MROH1: variants seen among roughly 807,000 people sequenced by gnomAD.
MROH1 encodes the protein maestro heat like repeat family member 1.
MROH1 carries 117 observed loss-of-function variants against 116.5 expected under a neutral mutation model. The observed-to-expected ratio is 1.00, with a 90% CI of 0.86 to 1.17. The LOEUF is 1.17. Ranked by LOEUF, MROH1 falls within the 50% of genes most tolerant of loss-of-function variation. The probability of loss-of-function intolerance (pLI) is 0.00; values close to 1 mark genes in which losing one functional copy is unlikely to be tolerated. For missense variants in MROH1, 1,873 were observed against 1,338.5 expected, an observed-to-expected ratio of 1.40 and a Z score of -6.23; for synonymous variants, 921 against 583.9, an observed-to-expected ratio of 1.58 and a Z score of -8.32.
chr8:144,246,788 G>A (rs1013979577), intron 29 of MROH1, among the ~76,000 whole-genome samples: 2 of 152,320 alleles, frequency 1.3e-5, no homozygotes, highest in African/African-American at 4.8e-5. Flanking sequence ...CGTCTGCCAG[G>A]GAGGAGGTGT....
intron 12 of MROH1, among the ~76,000 whole-genome samples, chr8:144,207,759 G>A (rs1039879335): frequency 1.3e-5 from 2 of 152,110 alleles, no homozygotes; most frequent in Admixed American, 6.5e-5. Context: ...ATAAATATAT[G>A]TTTTTATGAT....
intron 8 of MROH1, 86 bp from the exon 9 acceptor site, chr8:144,191,629 G>T (rs763137271): frequency 1.3e-6 from 2 of 1,528,576 alleles, no homozygotes; most frequent in Non-Finnish European, 1.8e-6. Flanking sequence ...GTTCGTTCAC[G>T]TCCGTCACGG....
In MROH1 at chr8:144,172,656, A is replaced by G. The variant is rs369120199; in HGVS notation, c.168+4216A>G. Among the ~76,000 whole-genome samples the G allele has an allele frequency of 1.8e-4, 28 of 152,096 alleles. No individual in the cohort carries two copies. The East Asian group carries it at 3.9e-3, about 21-fold the overall frequency. The stretch of plus-strand genomic sequence containing the variant: ...GAACTCCTGACCTTGTGATCTGCCC[A>G]CCTTGGCCTCCCAAGGTGCTGGGAT... On this transcript the variant is annotated intron_variant, in intron 4 of 43. Transcript: ENST00000326134.
rs1195852872 is a variant in MROH1, at chr8:144,168,248, A to G, written c.23-47A>G. ...GGAGTGGCAGCCGAGGTGTGATAGGAGAGGGCGCTTGGGCCTGAGCATGCT... is the reference window on the plus strand; with the variant it reads ...GGAGTGGCAGCCGAGGTGTGATAGGGGAGGGCGCTTGGGCCTGAGCATGCT... On this transcript the variant is annotated intron_variant, in intron 3 of 43. Transcript: ENST00000326134. The G allele has an allele frequency of 2.0e-6, 3 of 1,515,658 alleles. No individual in the cohort carries two copies. The African/African-American group carries it at 4.1e-5, about 21-fold the overall frequency. The allele number at this position is 1,515,658 out of a possible 1,614,324, so 93.9% of individuals were successfully genotyped here.
In MROH1 at chr8:144,190,944, CG is replaced by C; in HGVS notation, c.714+10del. ...AGAGTCGAGAAGCCAAGGTATGCCC[CG>C]TGGCTGCATCAGTCCACGCCTGATG... On this transcript the variant is annotated intron_variant, in intron 8 of 43. Coordinates refer to ENST00000326134, the MANE Select transcript of MROH1 (RefSeq NM_032450.3). 1.2e-6 allele frequency: 2 copies of C among 1,611,944 alleles called. No homozygotes were observed. The highest frequency in any genetic ancestry group is 1.7e-6 in the Non-Finnish European group (2 of 1,179,298).
At chr8:144,212,076 T>TTG (rs1834230244) in intron 12 of MROH1, among the ~76,000 whole-genome samples, 2 of 151,090 alleles carry the variant, frequency 1.3e-5, no homozygotes, top group African/African-American at 4.9e-5. Flanking sequence ...TGTGTTGTTT[T>TTG]TTTGTTTGTT....
At chr8:144,213,557 G>A (rs551921629) in intron 12 of MROH1, 1 of 153,812 alleles carries the variant, frequency 6.5e-6, no homozygotes, top group Non-Finnish European at 1.4e-5. Context: ...GGGAGGCCAA[G>A]GCAGGCAGAT....
chr8:144,151,663 C>T (rs1353431033), intron 1 of MROH1, among the ~76,000 whole-genome samples: 3 of 152,222 alleles, frequency 2.0e-5, no homozygotes, highest in African/African-American at 4.8e-5. Flanking sequence ...AGTAGAGGGT[C>T]TAATTGAGCT....
intron 37 of MROH1, among the ~76,000 whole-genome samples, 194 bp downstream of exon 37, chr8:144,259,548 G>C (rs1251622273): frequency 6.6e-6 from 1 of 152,202 alleles, no homozygotes; most frequent in African/African-American, 2.4e-5. Context: ...CTCTGTGCCT[G>C]GTGAGAGGAG....
At chr8:144,153,639 T>G (rs1817372867) in intron 1 of MROH1, among the ~76,000 whole-genome samples, 1 of 152,244 alleles carries the variant, frequency 6.6e-6, no homozygotes, top group Non-Finnish European at 1.5e-5. Flanking sequence ...ATTCCATATC[T>G]TGGCTTTTGT....
intron 12 of MROH1, among the ~76,000 whole-genome samples, chr8:144,219,980 C>G (rs1195784313): frequency 1.3e-5 from 2 of 152,248 alleles, no homozygotes; most frequent in African/African-American, 4.8e-5. Context: ...TCTCCAAGGA[C>G]TGTCGTGTGG....
intron 12 of MROH1, among the ~76,000 whole-genome samples, chr8:144,209,314 C>G (rs1833572202): frequency 6.6e-6 from 1 of 151,908 alleles, no homozygotes; most frequent in Non-Finnish European, 1.5e-5. Flanking sequence ...CACGGTGGCT[C>G]AAACGCCTGT....
At chr8:144,178,612 G>A (rs556357003) in intron 4 of MROH1, among the ~76,000 whole-genome samples, 2 of 152,314 alleles carry the variant, frequency 1.3e-5, no homozygotes, top group Non-Finnish European at 2.9e-5. Context: ...GAGAATGGAC[G>A]ACAGAGCCTG....
intron 33 of MROH1, 175 bp downstream of exon 33, chr8:144,250,541 C>T (rs1842681487): frequency 3.0e-6 from 2 of 676,126 alleles, no homozygotes; most frequent in South Asian, 3.2e-5. Context: ...CTCTCAGGTA[C>T]CCACGGGGAC....
chr8:144,255,051 T>C, intron 34 of MROH1, 73 bp downstream of exon 34: 1 of 680,844 alleles, frequency 1.5e-6, no homozygotes, highest in Non-Finnish European at 2.7e-6. Flanking sequence ...GGGGCAGGCC[T>C]TTTGATGAGG....
chr8:144,199,155 G>A lies in MROH1; in HGVS notation c.982G>A (p.Val328Met), dbSNP rs748269725. 1.2e-6 allele frequency: 2 copies of A among 1,613,664 alleles called. No individual in the cohort carries two copies. Among genetic ancestry groups the A allele is most frequent in the African/African-American group, 2.7e-5 (2 of 74,918 alleles). Reference protein sequence around the residue: ...CVPVESSSPLVMSNQKEVLRC... With the variant: ...CVPVESSSPLMMSNQKEVLRC... ...GCCTGTGGAGTCCTCAAGCCCCCTGGTGATGAGTAACCAGAAGGAGGTGCT... is the reference window on the plus strand; with the variant it reads ...GCCTGTGGAGTCCTCAAGCCCCCTGATGATGAGTAACCAGAAGGAGGTGCT... The change falls in exon 11 of 44, where the codon GTG (valine) becomes ATG (methionine). Residue 328 changes from valine (V) to methionine (M), a missense_variant. By Grantham distance (21) the Val-to-Met change is conservative. Coordinates refer to ENST00000326134, the MANE Select transcript of MROH1 (RefSeq NM_032450.3).
intron 7 of MROH1, among the ~76,000 whole-genome samples, chr8:144,183,683 G>A (rs544162524): frequency 6.6e-6 from 1 of 151,482 alleles, no homozygotes; most frequent in African/African-American, 2.4e-5. Flanking sequence ...GTCTCGCTCT[G>A]TTGCCCAGGC....
chr8:144,161,443 G>A (rs571946346), intron 2 of MROH1, among the ~76,000 whole-genome samples: 64 of 152,266 alleles, frequency 4.2e-4, no homozygotes, highest in African/African-American at 1.4e-3. Flanking sequence ...GACTCCGGCC[G>A]CCTTGGTATC....
intron 4 of MROH1, 90 bp from the exon 5 acceptor site, chr8:144,179,365 C>T (rs1301725585): frequency 2.0e-5 from 31 of 1,538,640 alleles, no homozygotes; most frequent in Admixed American, 5.5e-5. Context: ...GAGATTTGTG[C>T]GGTTTCATCT....
Sources: allele counts gnomAD v4.1 joint callset (sites outside exome capture counted in the v4.1 genomes callset), GRCh38; gene constraint gnomAD v4.1.1; transcripts MANE v1.5; gene names NCBI Gene and HGNC (gene_info 2026-07-23, HGNC 2026-07-21).